Variants in SPAG16 observed in about 807,000 individuals in gnomAD.
SPAG16 encodes the protein sperm associated antigen 16.
In SPAG16, 86 loss-of-function variants were observed where a neutral mutation model predicts 80.4. The ratio of observed to expected loss-of-function variants is 1.07; its 90% CI spans 0.90 to 1.28. SPAG16 has a LOEUF of 1.28. SPAG16 is among the 50% of genes most tolerant of loss of function. The pLI, the probability that SPAG16 is intolerant of heterozygous loss-of-function variation, is 0.00. For synonymous variants in SPAG16, 294 were observed against 265.9 expected (o/e 1.11, Z -1.03); for missense variants, 870 against 765.3 (o/e 1.14, Z -1.61).
In SPAG16 at chr2:214,010,214, T is replaced by C. The variant is rs577724085; in HGVS notation, c.1401-3737T>C. ...AACAGAAATAAAAGCTTTTGATTGC[T>C]CTTCCCCTACCCAACACACAAATAG... On this transcript the variant is annotated intron_variant, in intron 12 of 15. Transcript: ENST00000331683. Among the ~76,000 whole-genome samples, 10 of 146,038 alleles carry C rather than the reference T, an allele frequency of 6.8e-5. No individual in the cohort carries two copies. In the South Asian group the frequency reaches 2.2e-3, roughly 32 times the overall value.
At position 213,715,034 on chromosome 2, in the gene SPAG16, A is replaced by G. The variant is rs188030558; in HGVS notation, c.1071-147451A>G. Among the ~76,000 whole-genome samples the G allele has an allele frequency of 4.6e-5, 7 of 152,250 alleles. No homozygotes were observed. In the East Asian group the frequency reaches 1.3e-3, roughly 29 times the overall value. On this transcript the variant is annotated intron_variant, in intron 10 of 15. Transcript: ENST00000331683. ...GAAGCTACTGAAGAGTTTTAAAATG[A>G]TTTGTTCCTATGATGGGATTTGCTT...
intron 12 of SPAG16, among the ~76,000 whole-genome samples, chr2:213,950,702 C>CTTTTTT (rs59353089): frequency 1.0e-5 from 1 of 99,724 alleles, no homozygotes; most frequent in Non-Finnish European, 1.9e-5. Flanking sequence ...TTTTTTCTTT[C>CTTTTTT]TTTTTTTTTT....
chr2:213,962,567 T>G (rs190586899), intron 12 of SPAG16, among the ~76,000 whole-genome samples: 409 of 152,232 alleles, frequency 2.7e-3, no homozygotes, highest in African/African-American at 9.4e-3. Context: ...ACAGCAAGAA[T>G]ATGGCCATCT....
At chr2:213,296,788 A>G (rs1370452285) in intron 2 of SPAG16, among the ~76,000 whole-genome samples, 2 of 152,222 alleles carry the variant, frequency 1.3e-5, no homozygotes, top group Admixed American at 6.5e-5. Context: ...TGATCAGTAC[A>G]TAAGAAGCGT....
At chr2:213,534,398 A>G (rs2076171538) in intron 10 of SPAG16, among the ~76,000 whole-genome samples, 1 of 152,150 alleles carries the variant, frequency 6.6e-6, no homozygotes, top group South Asian at 2.1e-4. Context: ...ATATACCCCA[A>G]TAATTGAAAA....
intron 9 of SPAG16, chr2:213,396,577 G>A (rs1324084551): frequency 2.2e-6 from 1 of 453,096 alleles, no homozygotes; most frequent in Non-Finnish European, 4.4e-6. Context: ...CTAACTCCAT[G>A]CCTCCATCAG....
chr2:214,293,708 C>T (rs974467750), intron 15 of SPAG16, among the ~76,000 whole-genome samples: 14 of 152,126 alleles, frequency 9.2e-5, no homozygotes, highest in Admixed American at 1.3e-4. Context: ...ATGCACTGGT[C>T]CTGCAGTAGC....
chr2:213,483,244 C>T (rs149981493), intron 9 of SPAG16, among the ~76,000 whole-genome samples: 183 of 152,114 alleles, frequency 1.2e-3, no homozygotes, highest in African/African-American at 4.2e-3. Flanking sequence ...TAATAAATAA[C>T]GATGCATAGA....
At chr2:213,290,002 C>T (rs9653340) in intron 1 of SPAG16, among the ~76,000 whole-genome samples, 32,811 of 152,170 alleles carry the variant, frequency 0.22, 4,392 homozygotes, top group Non-Finnish European at 0.31. Flanking sequence ...ATTGGCACCT[C>T]AAGCTCTGCG....
chr2:213,590,908 A>G (rs1427533755), intron 10 of SPAG16, among the ~76,000 whole-genome samples: 1 of 152,200 alleles, frequency 6.6e-6, no homozygotes, highest in African/African-American at 2.4e-5. Flanking sequence ...TCAGCTACTC[A>G]TCAGTGATGG....
chr2:213,558,526 A>G (rs1470106093), intron 10 of SPAG16, among the ~76,000 whole-genome samples: 2 of 151,980 alleles, frequency 1.3e-5, no homozygotes, highest in East Asian at 3.9e-4. Context: ...ATCAAAGTAA[A>G]AGATAAAGTC....
At chr2:213,997,456 G>A (rs1416257544) in intron 12 of SPAG16, among the ~76,000 whole-genome samples, 1 of 152,130 alleles carries the variant, frequency 6.6e-6, no homozygotes, top group Non-Finnish European at 1.5e-5. Context: ...TTTGTATAAA[G>A]TCATTTCTGA....
chr2:213,772,590 T>G (rs1252316495), intron 10 of SPAG16, among the ~76,000 whole-genome samples: 1 of 152,190 alleles, frequency 6.6e-6, no homozygotes, highest in Non-Finnish European at 1.5e-5. Context: ...TTATTTCTAT[T>G]CCATTGACTG....
chr2:214,155,359 C>G (rs1054214474), intron 15 of SPAG16, among the ~76,000 whole-genome samples: 1 of 152,196 alleles, frequency 6.6e-6, no homozygotes, highest in African/African-American at 2.4e-5. Context: ...TGCCCATGGG[C>G]CAGCTTGGCC....
At chr2:213,525,480 G>A (rs935256785) in intron 10 of SPAG16, among the ~76,000 whole-genome samples, 3 of 151,280 alleles carry the variant, frequency 2.0e-5, no homozygotes, top group Non-Finnish European at 4.4e-5. Flanking sequence ...GTAGAGATGG[G>A]GTTTCACCAT....
At chr2:213,821,885 A>G (rs936958721) in intron 10 of SPAG16, among the ~76,000 whole-genome samples, 1 of 152,064 alleles carries the variant, frequency 6.6e-6, no homozygotes, top group African/African-American at 2.4e-5. Flanking sequence ...ATGGGATCTC[A>G]TTTTTTTGTA....
At chr2:213,331,432 A>G (rs954151611) in intron 5 of SPAG16, among the ~76,000 whole-genome samples, 3 of 152,246 alleles carry the variant, frequency 2.0e-5, no homozygotes, top group African/African-American at 7.2e-5. Context: ...TGGAGCACCC[A>G]GATATATAAA....
At position 213,671,420 on chromosome 2, in the gene SPAG16, C is replaced by A. The variant is rs188577624; in HGVS notation, c.1070+181330C>A. On this transcript the variant is annotated intron_variant, in intron 10 of 15. Coordinates refer to ENST00000331683, the MANE Select transcript of SPAG16 (RefSeq NM_024532.5). ...CTCTAAGAACTCTCAGAGTAAGGAG[C>A]CTTGTTTTGGGGAAGATGTCCATGA... Among the ~76,000 whole-genome samples, 15 of 152,070 alleles carry A rather than the reference C, an allele frequency of 9.9e-5. No homozygotes were observed. The South Asian group carries it at 1.0e-3, about 11-fold the overall frequency.
chr2:213,984,920 C>G (rs1445045299), intron 12 of SPAG16, among the ~76,000 whole-genome samples: 1 of 152,138 alleles, frequency 6.6e-6, no homozygotes, highest in Non-Finnish European at 1.5e-5. Flanking sequence ...TCAAATCTCT[C>G]TTTATGAATC....
Sources: allele counts gnomAD v4.1 joint callset (sites outside exome capture counted in the v4.1 genomes callset), GRCh38; gene constraint gnomAD v4.1.1; transcripts MANE v1.5; gene names NCBI Gene and HGNC (gene_info 2026-07-23, HGNC 2026-07-21).